The following RASGEF1C variants were observed in gnomAD, a reference collection of about 807,000 sequenced individuals.
RASGEF1C encodes ras-GEF domain-containing family member 1C.
A neutral mutation model predicts 58.1 loss-of-function variants in RASGEF1C; 27 were observed. The ratio of observed to expected loss-of-function variants is 0.46; its 90% CI spans 0.34 to 0.64. RASGEF1C has a LOEUF of 0.64. Ranked by LOEUF, RASGEF1C falls within the 30% of genes least tolerant of loss-of-function variation. RASGEF1C has a pLI of 0.01. For missense variants in RASGEF1C, 502 were observed against 605.1 expected (o/e 0.83, Z 1.79); for synonymous variants, 243 against 246.3 (o/e 0.99, Z 0.13).
Position 180,154,583 on chromosome 5 carries a change from C to CT in RASGEF1C, c.-6-16526dup, listed in dbSNP as rs113429753. ...GGTGGACTGGGCTGGACTCTGGACT[C>CT]TTTTTTTTTTTTTTTGAGATGGAGT... On this transcript the variant is annotated intron_variant, in intron 1 of 13. Coordinates refer to ENST00000361132, the MANE Select transcript of RASGEF1C (RefSeq NM_175062.4). Among the ~76,000 whole-genome samples the CT allele has an allele frequency of 4.4e-3, 618 of 140,624 alleles. 5 individuals are homozygous for CT. The highest frequency in any genetic ancestry group is 0.014 in the African/African-American group (528 of 37,930). The allele number at this position is 140,624 out of a possible 152,430, so 92.3% of individuals were successfully genotyped here.
At chr5:180,190,512 T>G (rs10479463) in intron 1 of RASGEF1C, among the ~76,000 whole-genome samples, 1 of 102,736 alleles carries the variant, frequency 9.7e-6, no homozygotes, top group Non-Finnish European at 2.0e-5. Context: ...AAAAAAATAA[T>G]AATAATAATA....
chr5:180,169,636 T>C (rs6871794), intron 1 of RASGEF1C, among the ~76,000 whole-genome samples: 69,902 of 150,014 alleles, frequency 0.47, 17,913 homozygotes, highest in Non-Finnish European at 0.58. Flanking sequence ...GCCTCAGTTT[T>C]CCCTATGCAC....
chr5:180,102,018 A>G, intron 13 of RASGEF1C, 53 bp downstream of exon 13: 1 of 899,314 alleles, frequency 1.1e-6, no homozygotes. Flanking sequence ...GACTCACCTT[A>G]GAGCTTTCCA....
At chr5:180,133,118 C>T (rs1185573957) in intron 4 of RASGEF1C, among the ~76,000 whole-genome samples, 1 of 152,176 alleles carries the variant, frequency 6.6e-6, no homozygotes, top group Non-Finnish European at 1.5e-5. Context: ...CACTGGCCTC[C>T]CTGAGCTCTA....
At position 180,119,343 on chromosome 5, in the gene RASGEF1C, C is replaced by G. The variant is rs1436340231; in HGVS notation, c.907+3G>C. On this transcript the variant is annotated splice_donor_region_variant and intron_variant, in intron 8 of 13. Coordinates refer to ENST00000361132, the MANE Select transcript of RASGEF1C (RefSeq NM_175062.4). ...GGGCCACAGGCCAGGCCGGCCCACTCACAGATGATGGCCATGAGGGAGTTG... is the reference window on the plus strand; with the variant it reads ...GGGCCACAGGCCAGGCCGGCCCACTGACAGATGATGGCCATGAGGGAGTTG... 5.0e-6 allele frequency: 8 copies of G among 1,612,650 alleles called. No homozygotes were observed. The highest frequency in any genetic ancestry group is 6.8e-6 in the Non-Finnish European group (8 of 1,178,632).
chr5:180,164,276 C>A (rs1766987549), intron 1 of RASGEF1C, among the ~76,000 whole-genome samples: 1 of 151,948 alleles, frequency 6.6e-6, no homozygotes, highest in Admixed American at 6.6e-5. Context: ...TGCTTTGGGT[C>A]TATTTTGCTC....
At chr5:180,163,254 C>CTTTTTTTTTGTTTTTTT (rs1187829324) in intron 1 of RASGEF1C, among the ~76,000 whole-genome samples, 1 of 71,068 alleles carries the variant, frequency 1.4e-5, no homozygotes, top group Non-Finnish European at 2.5e-5. Context: ...TTTTTTTTTC[C>CTTTTTTTTTGTTTTTTT]AGCCTATTGC....
chr5:180,194,502 C>T (rs1756230430), intron 1 of RASGEF1C, among the ~76,000 whole-genome samples: 1 of 152,188 alleles, frequency 6.6e-6, no homozygotes, highest in African/African-American at 2.4e-5. Flanking sequence ...GCTCAAGTCC[C>T]GGGAGCAGCT....
chr5:180,111,680 G>A, intron 11 of RASGEF1C, 100 bp from the exon 12 acceptor site: 1 of 1,343,592 alleles, frequency 7.4e-7, no homozygotes, highest in South Asian at 1.2e-5. Flanking sequence ...TCAACACCCA[G>A]TGGCTTTAGG....
intron 1 of RASGEF1C, among the ~76,000 whole-genome samples, chr5:180,153,298 C>T (rs1581110291): frequency 6.6e-6 from 1 of 152,156 alleles, no homozygotes; most frequent in South Asian, 2.1e-4. Flanking sequence ...TTATGGCCCA[C>T]CCTGGCTCCC....
intron 1 of RASGEF1C, among the ~76,000 whole-genome samples, chr5:180,152,801 C>T (rs1581110001): frequency 6.6e-6 from 1 of 151,334 alleles, no homozygotes; most frequent in Non-Finnish European, 1.5e-5. Flanking sequence ...ATCCCAGCTA[C>T]TCAGGAGGCC....
intron 1 of RASGEF1C, among the ~76,000 whole-genome samples, chr5:180,189,368 A>G (rs1480522145): frequency 6.6e-6 from 1 of 152,240 alleles, no homozygotes; most frequent in Non-Finnish European, 1.5e-5. Context: ...GACTTTAGAA[A>G]TTGATGATTC....
At chr5:180,179,986 G>C (rs914107813) in intron 1 of RASGEF1C, among the ~76,000 whole-genome samples, 13 of 152,196 alleles carry the variant, frequency 8.5e-5, no homozygotes, top group African/African-American at 3.1e-4. Context: ...AGGAAGGACC[G>C]GGCGAGTGGG....
At chr5:180,190,332 A>C (rs987524349) in intron 1 of RASGEF1C, among the ~76,000 whole-genome samples, 3 of 151,540 alleles carry the variant, frequency 2.0e-5, no homozygotes, top group Non-Finnish European at 2.9e-5. Flanking sequence ...CTAAAAACAA[A>C]ACAAAAAATT....
chr5:180,126,405 C>CA (rs894244973), intron 6 of RASGEF1C, among the ~76,000 whole-genome samples: 14 of 150,930 alleles, frequency 9.3e-5, no homozygotes, highest in African/African-American at 3.0e-4. Flanking sequence ...AGATCCGTCT[C>CA]AAAAAAAGAA....
At chr5:180,188,220 G>A (rs146596719) in intron 1 of RASGEF1C, among the ~76,000 whole-genome samples, 109 of 152,248 alleles carry the variant, frequency 7.2e-4, no homozygotes, top group African/African-American at 1.7e-3. Flanking sequence ...TGTGAAAGCC[G>A]CTTGACACGA....
intron 1 of RASGEF1C, among the ~76,000 whole-genome samples, chr5:180,153,808 G>GA (rs11452680): frequency 0.33 from 50,318 of 152,122 alleles, 8,839 homozygotes; most frequent in East Asian, 0.62. Flanking sequence ...CTTGCTAGCA[G>GA]AAACAATACT....
chr5:180,178,815 T>C (rs770218535), intron 1 of RASGEF1C, among the ~76,000 whole-genome samples: 9 of 151,826 alleles, frequency 5.9e-5, no homozygotes, highest in Admixed American at 2.6e-4. Flanking sequence ...CAGCCTTATA[T>C]GTAAAATGGG....
rs530794177 is a variant in RASGEF1C at position 180,173,643 on chromosome 5, G to A, written c.-7+35385C>T. On this transcript the variant is annotated intron_variant, in intron 1 of 13. Coordinates refer to ENST00000361132, the MANE Select transcript of RASGEF1C (RefSeq NM_175062.4). ...AAAACTGGTGCAGTTGGCCGGGCAC[G>A]GTGGCTCCCGCCTGTAGTCCCAGCA... Among the ~76,000 whole-genome samples, 98 of 152,298 alleles carry A rather than the reference G, an allele frequency of 6.4e-4. 1 individual carries two copies. Among genetic ancestry groups the A allele is most frequent in the Non-Finnish European group, 1.0e-3 (71 of 68,024 alleles).
Sources: allele counts gnomAD v4.1 joint callset (sites outside exome capture counted in the v4.1 genomes callset), GRCh38; gene constraint gnomAD v4.1.1; transcripts MANE v1.5; gene names NCBI Gene and HGNC (gene_info 2026-07-23, HGNC 2026-07-21).